The following MCC variants were observed in gnomAD, a reference collection of about 807,000 sequenced individuals.
The protein encoded by MCC is MCC regulator of Wnt signaling pathway.
MCC carries 90 observed loss-of-function variants against 116.2 expected under a neutral mutation model. That is an observed-to-expected ratio of 0.77 (90% CI 0.65 to 0.92). MCC has a LOEUF of 0.92. Ranked by LOEUF, MCC falls within the 40% of genes least tolerant of loss-of-function variation. The probability of loss-of-function intolerance (pLI) is 0.00; values close to 1 mark genes in which losing one functional copy is unlikely to be tolerated. For missense variants in MCC, 1,516 were observed against 1,312.2 expected (o/e 1.16, Z -2.40); for synonymous variants, 578 against 510.5 (o/e 1.13, Z -1.78).
intron 3 of MCC, among the ~76,000 whole-genome samples, chr5:113,286,551 C>T (rs1766270593): frequency 6.6e-6 from 1 of 152,212 alleles, no homozygotes; most frequent in Non-Finnish European, 1.5e-5. Context: ...GCGTTCCAGG[C>T]ACTGATCAAA....
chr5:113,298,920 TA>T (rs1366535351), intron 3 of MCC, among the ~76,000 whole-genome samples: 1 of 152,154 alleles, frequency 6.6e-6, no homozygotes, highest in Non-Finnish European at 1.5e-5. Flanking sequence ...TGCAAGGGAA[TA>T]AGCAGTTGTG....
Position 113,220,405 on chromosome 5 carries a change from T to A in MCC, c.628-68983A>T, listed in dbSNP as rs993855589. 5.9e-5 allele frequency among the ~76,000 whole-genome samples: 9 copies of A among 152,176 alleles called. No individual in the cohort carries two copies. In the East Asian group the frequency reaches 1.4e-3, roughly 23 times the overall value. ...ATGTCTGCTGAGATTTTAATTGAGA[T>A]CTATAGATCAATTGAGAGAATTTAT... On this transcript the variant is annotated intron_variant, in intron 3 of 18. Transcript: ENST00000408903.
intron 14 of MCC, among the ~76,000 whole-genome samples, chr5:113,054,774 C>A (rs1188232485): frequency 6.6e-6 from 1 of 152,108 alleles, no homozygotes; most frequent in Non-Finnish European, 1.5e-5. Flanking sequence ...AGGCAGGGAG[C>A]CCCCAGCTGA....
At chr5:113,031,287 T>C (rs2150207436) in intron 17 of MCC, among the ~76,000 whole-genome samples, 1 of 152,254 alleles carries the variant, frequency 6.6e-6, no homozygotes, top group African/African-American at 2.4e-5. Context: ...GTGTTTTTCC[T>C]GGGCCCTAGC....
chr5:113,067,774 A>T (rs555226611), intron 13 of MCC, among the ~76,000 whole-genome samples: 1 of 152,408 alleles, frequency 6.6e-6, no homozygotes, highest in East Asian at 1.9e-4. Context: ...ACAGCTGCAG[A>T]AACGCTGGCC....
chr5:113,483,018 C>T (rs1772419998), intron 1 of MCC, among the ~76,000 whole-genome samples: 1 of 152,074 alleles, frequency 6.6e-6, no homozygotes, highest in Non-Finnish European at 1.5e-5. Flanking sequence ...ATTTTTTCCC[C>T]CATTTTACCC....
At chr5:113,135,386 C>A (rs1417147185) in intron 5 of MCC, among the ~76,000 whole-genome samples, 1 of 69,174 alleles carries the variant, frequency 1.4e-5, no homozygotes, top group African/African-American at 4.9e-5. Flanking sequence ...AACACCGTCT[C>A]TACTAAAAAT....
intron 3 of MCC, among the ~76,000 whole-genome samples, chr5:113,293,951 G>A (rs1766611370): frequency 6.6e-6 from 1 of 152,138 alleles, no homozygotes; most frequent in Non-Finnish European, 1.5e-5. Context: ...GTTACCGTCG[G>A]CTTAAACTCA....
At position 113,028,960 on chromosome 5, in the gene MCC, G is replaced by A. The variant is rs1048696507; in HGVS notation, c.2853C>T (p.Phe951=). ...SEIRHQQSAE[F]VNDLKRANSN... ...TGTTGGCCCGCTTTAGATCATTCAC[G>A]AACTCTGCAGATTGCTGATGTCGGA... is the stretch of plus-strand genomic sequence containing the variant. Residue 951 remains phenylalanine (F), a synonymous_variant, in exon 18 of 19, where the codon TTC becomes TTT. Transcript: ENST00000408903. The A allele has an allele frequency of 1.8e-5, 29 of 1,613,834 alleles. No individual in the cohort carries two copies. The highest frequency in any genetic ancestry group is 3.3e-5 in the South Asian group (3 of 91,046).
intron 1 of MCC, among the ~76,000 whole-genome samples, chr5:113,403,283 T>G (rs2150399649): frequency 6.6e-6 from 1 of 152,288 alleles, no homozygotes; most frequent in Middle Eastern, 3.4e-3. Flanking sequence ...GGAAAGTAAG[T>G]GCACACTGTA....
chr5:113,333,258 A>T (rs1767746178), intron 3 of MCC, among the ~76,000 whole-genome samples: 1 of 151,688 alleles, frequency 6.6e-6, no homozygotes, highest in Non-Finnish European at 1.5e-5. Flanking sequence ...TCTCCAAAGT[A>T]ACCAATAATG....
chr5:113,433,600 C>A, intron 1 of MCC: 1 of 1,168,802 alleles, frequency 8.6e-7, no homozygotes, highest in East Asian at 2.6e-5. Context: ...TTACCAAGTT[C>A]AAGGGGAGAG....
chr5:113,171,903 C>T (rs564845707), intron 3 of MCC, among the ~76,000 whole-genome samples: 63 of 152,324 alleles, frequency 4.1e-4, no homozygotes, highest in African/African-American at 1.3e-3. Flanking sequence ...TCTCCCTTCT[C>T]ACCCTCATGA....
At chr5:113,418,313 AG>A (rs1770214932) in intron 1 of MCC, among the ~76,000 whole-genome samples, 1 of 150,788 alleles carries the variant, frequency 6.6e-6, no homozygotes, top group South Asian at 2.1e-4. Flanking sequence ...AAAGAAAAAA[AG>A]GTGAAATATG....
intron 4 of MCC, among the ~76,000 whole-genome samples, chr5:113,144,352 C>G (rs1164623153): frequency 6.6e-6 from 1 of 152,206 alleles, no homozygotes; most frequent in African/African-American, 2.4e-5. Flanking sequence ...AACAAGTAGC[C>G]TAGCTTGCGT....
At chr5:113,236,820 G>A (rs1446690404) in intron 3 of MCC, among the ~76,000 whole-genome samples, 1 of 152,126 alleles carries the variant, frequency 6.6e-6, no homozygotes, top group South Asian at 2.1e-4. Context: ...GGGGGACGGG[G>A]GACAGGCGGG....
intron 1 of MCC, among the ~76,000 whole-genome samples, chr5:113,479,033 T>A (rs538671998): frequency 6.6e-6 from 1 of 152,308 alleles, no homozygotes; most frequent in East Asian, 1.9e-4. Context: ...TGAATGTTCA[T>A]AATGCCTTTA....
chr5:113,459,238 T>C (rs1369697866), intron 1 of MCC, among the ~76,000 whole-genome samples: 1 of 149,008 alleles, frequency 6.7e-6, no homozygotes, highest in East Asian at 2.0e-4. Flanking sequence ...AATATACCTT[T>C]TGAAAAAGCC....
intron 1 of MCC, among the ~76,000 whole-genome samples, chr5:113,397,769 A>T (rs569575561): frequency 6.6e-6 from 1 of 152,220 alleles, no homozygotes; most frequent in Non-Finnish European, 1.5e-5. Context: ...TCTTCTGAAC[A>T]TTGGCCTTGG....
Sources: allele counts gnomAD v4.1 joint callset (sites outside exome capture counted in the v4.1 genomes callset), GRCh38; gene constraint gnomAD v4.1.1; transcripts MANE v1.5; gene names NCBI Gene and HGNC (gene_info 2026-07-23, HGNC 2026-07-21).